The following SFT2D2 variants were observed in gnomAD, a reference collection of about 807,000 sequenced individuals.
SFT2D2 encodes the protein SFT2 domain containing 2, also known as vesicle transport protein SFT2B.
In SFT2D2, 21 loss-of-function variants were observed where a neutral mutation model predicts 27.4. That is an observed-to-expected ratio of 0.77 (90% CI 0.54 to 1.10). The LOEUF is 1.10. SFT2D2 is among the 50% of genes least tolerant of loss of function. The pLI is 0.00. For missense variants in SFT2D2, 187 were observed against 194.2 expected (o/e 0.96, Z 0.22); for synonymous variants, 72 against 71.7 (o/e 1.00, Z -0.02).
chr1:168,240,378 T>A (rs1388144417), intron 7 of SFT2D2, among the ~76,000 whole-genome samples: 1 of 151,918 alleles, frequency 6.6e-6, no homozygotes, highest in African/African-American at 2.4e-5. Flanking sequence ...TCTAGGAGGG[T>A]AACAGTTATG....
At chr1:168,226,260 T>G in intron 1 of SFT2D2, 118 bp downstream of exon 1, 1 of 816,350 alleles carries the variant, frequency 1.2e-6, no homozygotes, top group Admixed American at 3.5e-5. Context: ...CTCTGCCCCT[T>G]CTCCTCCTCT....
rs1488641530 is a variant in SFT2D2, at chr1:168,247,632, C to T, written c.*5092C>T. ...CTGTTGTGAACAATGCTGCAGTAAA[C>T]ATACATGTGCATGTGTCTTTATAGT... is the stretch of plus-strand genomic sequence containing the variant. On this transcript the variant is annotated 3_prime_UTR_variant, in exon 8 of 8. Transcript: ENST00000271375. The T allele has an allele frequency of 6.6e-6, 1 of 152,366 alleles. No homozygotes were observed. The highest frequency in any genetic ancestry group is 1.5e-5 in the Non-Finnish European group (1 of 68,194). The allele number at this position is 152,366 out of a possible 1,614,324, so 9.4% of individuals were successfully genotyped here.
intron 7 of SFT2D2, among the ~76,000 whole-genome samples, chr1:168,240,909 C>T (rs1647628753): frequency 6.6e-6 from 1 of 151,786 alleles, no homozygotes; most frequent in African/African-American, 2.4e-5. Context: ...GAGACTCTGT[C>T]TCAAAAAAAA....
intron 1 of SFT2D2, among the ~76,000 whole-genome samples, chr1:168,228,339 C>T (rs982996247): frequency 2.0e-5 from 3 of 152,120 alleles, no homozygotes; most frequent in Admixed American, 1.3e-4. Context: ...TTGAATTAGG[C>T]GCTCTTAAAA....
intron 7 of SFT2D2, among the ~76,000 whole-genome samples, chr1:168,241,205 CTTTTTT>C (rs11387591): frequency 3.0e-5 from 3 of 100,156 alleles, no homozygotes; most frequent in African/African-American, 3.9e-5. Flanking sequence ...CCCTTCTATT[CTTTTTT>C]TTTTTTTTTT....
chr1:168,227,282 C>G (rs912383477), intron 1 of SFT2D2, among the ~76,000 whole-genome samples: 2 of 152,184 alleles, frequency 1.3e-5, no homozygotes, highest in African/African-American at 4.8e-5. Flanking sequence ...TCTTTAGCCT[C>G]CGTTCCCCAT....
Position 168,236,795 on chromosome 1 carries a change from C to T in SFT2D2, c.413+25C>T, listed in dbSNP as rs1372231074. 3 of 1,610,808 alleles carry T rather than the reference C, an allele frequency of 1.9e-6. No homozygotes were observed. The East Asian group carries it at 6.7e-5, about 36-fold the overall frequency. Reference sequence around the variant, plus strand: ...GGTAAGTAACCTTTTAAACAATCCCCTCCCACATAGCCCACTGAATAATGT... The same window carrying T: ...GGTAAGTAACCTTTTAAACAATCCCTTCCCACATAGCCCACTGAATAATGT... On this transcript the variant is annotated intron_variant, in intron 6 of 7. Coordinates refer to ENST00000271375, the MANE Select transcript of SFT2D2 (RefSeq NM_199344.3).
At chr1:168,226,509 G>T (rs891185729) in intron 1 of SFT2D2, among the ~76,000 whole-genome samples, 4 of 152,112 alleles carry the variant, frequency 2.6e-5, no homozygotes, top group Admixed American at 1.3e-4. Flanking sequence ...CAGGCGGAAG[G>T]AGCCTTTGCT....
intron 1 of SFT2D2, among the ~76,000 whole-genome samples, chr1:168,230,190 C>T: frequency 6.6e-6 from 1 of 152,162 alleles, no homozygotes; most frequent in South Asian, 2.1e-4. Context: ...GATCCCTGAG[C>T]TGGGGGTAGT....
intron 7 of SFT2D2, among the ~76,000 whole-genome samples, chr1:168,239,516 T>C (rs1434003754): frequency 1.3e-5 from 2 of 151,094 alleles, no homozygotes; most frequent in Non-Finnish European, 2.9e-5. Flanking sequence ...GAGTAAGATA[T>C]GGAGGGATCT....
In SFT2D2 at chr1:168,251,139, A is replaced by G. The variant is rs565351783; in HGVS notation, c.*8599A>G. The G allele has an allele frequency of 6.6e-5, 10 of 152,266 alleles. No individual in the cohort carries two copies. The highest frequency in any genetic ancestry group is 2.4e-4 in the African/African-American group (10 of 41,522). 9.4% of individuals were successfully genotyped at this position (152,266 alleles called of 1,614,324 possible). A position where few individuals can be genotyped will look rare whatever the true frequency, so the allele number is the denominator to read the frequency against. On this transcript the variant is annotated 3_prime_UTR_variant, in exon 8 of 8. Coordinates refer to ENST00000271375, the MANE Select transcript of SFT2D2 (RefSeq NM_199344.3). ...GCCAACATGGCAAAACCCCATCTCT[A>G]CAAAAAATACAACAGCAAAAAAATC...
rs1211730474 is a variant in SFT2D2 at position 168,252,260 on chromosome 1, A to G, written c.*9720A>G. 1 of 152,236 alleles carries G rather than the reference A, an allele frequency of 6.6e-6. No homozygotes were observed. The highest frequency in any genetic ancestry group is 1.5e-5 in the Non-Finnish European group (1 of 68,042). 9.4% of individuals were successfully genotyped at this position (152,236 alleles called of 1,614,324 possible). Reference sequence around the variant, plus strand: ...GCAAATGATGGTACATATTCACAACAAAGTTGTGCCACTACATTTAATAAA... The same window carrying G: ...GCAAATGATGGTACATATTCACAACGAAGTTGTGCCACTACATTTAATAAA... On this transcript the variant is annotated 3_prime_UTR_variant, in exon 8 of 8. Transcript: ENST00000271375.
chr1:168,232,696 A>G (rs971661775), intron 3 of SFT2D2, among the ~76,000 whole-genome samples: 3 of 152,292 alleles, frequency 2.0e-5, no homozygotes, highest in Non-Finnish European at 4.4e-5. Flanking sequence ...ACTGACTTGC[A>G]TGCTCAATGG....
At position 168,244,910 on chromosome 1, in the gene SFT2D2, C is replaced by T. The variant is rs564489673; in HGVS notation, c.*2370C>T. On this transcript the variant is annotated 3_prime_UTR_variant, in exon 8 of 8. Coordinates refer to ENST00000271375, the MANE Select transcript of SFT2D2 (RefSeq NM_199344.3). ...TTGTTTAAAAAATAATCTCAGCAAA[C>T]TAGGGATACAAGAGAATTTCCTCAA... The T allele has an allele frequency of 6.6e-6, 1 of 151,926 alleles. No homozygotes were observed. Among genetic ancestry groups the T allele is most frequent in the Admixed American group, 6.6e-5 (1 of 15,242 alleles). The allele number at this position is 151,926 out of a possible 1,614,324, so 9.4% of individuals were successfully genotyped here. A position where few individuals can be genotyped will look rare whatever the true frequency, so the allele number is the denominator to read the frequency against.
At position 168,239,173 on chromosome 1, in the gene SFT2D2, A is replaced by G. The variant is rs1265793872; in HGVS notation, c.443+13A>G. 1.3e-6 allele frequency: 2 copies of G among 1,586,748 alleles called. No homozygotes were observed. Among genetic ancestry groups the G allele is most frequent in the African/African-American group, 2.7e-5 (2 of 74,120 alleles). On this transcript the variant is annotated intron_variant, in intron 7 of 7. Coordinates refer to ENST00000271375, the MANE Select transcript of SFT2D2 (RefSeq NM_199344.3). ...TACCATTTGCAAGGTAAGACTGTGT[A>G]TTTGGAAATAATGATTTCTGTCATT...
rs1298118496 is a variant in SFT2D2, at chr1:168,243,634, A to T, written c.*1094A>T. 1 of 152,326 alleles carries T rather than the reference A, an allele frequency of 6.6e-6. No homozygotes were observed. Among genetic ancestry groups the T allele is most frequent in the African/African-American group, 2.4e-5 (1 of 41,438 alleles). The allele number at this position is 152,326 out of a possible 1,614,324, so 9.4% of individuals were successfully genotyped here. On this transcript the variant is annotated 3_prime_UTR_variant, in exon 8 of 8. Transcript: ENST00000271375. ...GTGTCCACGATCTTACCTGGTTCTT[A>T]TGGAGAGCCTTGTGAGGAAGCAGGG... is the stretch of plus-strand genomic sequence containing the variant.
chr1:168,229,926 TA>T (rs1166318393), intron 1 of SFT2D2, among the ~76,000 whole-genome samples: 2 of 152,190 alleles, frequency 1.3e-5, no homozygotes, highest in Non-Finnish European at 2.9e-5. Context: ...TACCTCAGCG[TA>T]AAACCAGGTG....
At chr1:168,231,143 G>A (rs1300846896) in intron 1 of SFT2D2, among the ~76,000 whole-genome samples, 2 of 152,326 alleles carry the variant, frequency 1.3e-5, no homozygotes, top group East Asian at 3.9e-4. Context: ...GTGAGTCCCT[G>A]GTGGACGCAT....
chr1:168,226,101 C>A lies in SFT2D2; in HGVS notation c.22C>A (p.Leu8Met), dbSNP rs1452715594. The A allele has an allele frequency of 6.5e-7, 1 of 1,534,572 alleles. No individual in the cohort carries two copies. Among genetic ancestry groups the A allele is most frequent in the South Asian group, 1.2e-5 (1 of 81,582 alleles). The change falls in exon 1 of 8, where the codon CTG becomes ATG. Residue 8 changes from leucine to methionine, a missense_variant. Leu to Met is a conservative substitution (Grantham distance 15). Coordinates refer to ENST00000271375, the MANE Select transcript of SFT2D2 (RefSeq NM_199344.3). MDKLKKV[L>M]SGQDTEDRSG... The stretch of plus-strand genomic sequence containing the variant: ...CGCAATGGACAAGCTGAAGAAGGTG[C>A]TGAGCGGGCAGGACACGGAGGACCG...
Sources: allele counts gnomAD v4.1 joint callset (sites outside exome capture counted in the v4.1 genomes callset), GRCh38; gene constraint gnomAD v4.1.1; transcripts MANE v1.5; gene names NCBI Gene and HGNC (gene_info 2026-07-23, HGNC 2026-07-21).